RTF1: variants seen among roughly 807,000 people sequenced by gnomAD.
The protein encoded by RTF1 is RTF1 homolog, Paf1/RNA polymerase II complex component, also known as RNA polymerase-associated protein RTF1 homolog.
Under a neutral mutation model 95.7 loss-of-function variants are expected in RTF1, and 10 were observed. The observed-to-expected ratio is 0.10, with a 90% CI of 0.06 to 0.18. RTF1 has a LOEUF of 0.18. Among genes scored for constraint, RTF1 ranks in the 10% least tolerant of loss-of-function variants. RTF1 has a pLI of 1.00. For synonymous variants in RTF1, 305 were observed against 311.8 expected, an observed-to-expected ratio of 0.98 and a Z score of 0.23; for missense variants, 458 against 875.6, an observed-to-expected ratio of 0.52 and a Z score of 6.02.
chr15:41,430,234 T>C (rs1442231308), intron 1 of RTF1, among the ~76,000 whole-genome samples: 1 of 147,256 alleles, frequency 6.8e-6, no homozygotes, highest in Non-Finnish European at 1.5e-5. Flanking sequence ...TGGAGTGCAG[T>C]GGCGCGATCT....
intron 2 of RTF1, among the ~76,000 whole-genome samples, chr15:41,447,406 G>A (rs1214202980): frequency 6.6e-6 from 1 of 152,070 alleles, no homozygotes; most frequent in Non-Finnish European, 1.5e-5. Flanking sequence ...TTCACAGAAT[G>A]GGGACCTGCT....
At chr15:41,427,508 A>G (rs72739644) in intron 1 of RTF1, among the ~76,000 whole-genome samples, 28,277 of 151,966 alleles carry the variant, frequency 0.19, 3,407 homozygotes, top group Non-Finnish European at 0.26. Flanking sequence ...GGTCCCAGCT[A>G]TTCATTCAAA....
At chr15:41,479,234 G>A (rs1048405987) in intron 16 of RTF1, 36 bp downstream of exon 16, 1 of 1,425,780 alleles carries the variant, frequency 7.0e-7, no homozygotes, top group Non-Finnish European at 9.9e-7. Context: ...TGCTGAGTGA[G>A]GCTGCTGGCT....
chr15:41,468,373 A>T (rs2050891273), intron 6 of RTF1, among the ~76,000 whole-genome samples: 1 of 151,750 alleles, frequency 6.6e-6, no homozygotes, highest in Non-Finnish European at 1.5e-5. Context: ...GTTGGAGTGC[A>T]GTGGCGCGAT....
intron 1 of RTF1, among the ~76,000 whole-genome samples, chr15:41,420,583 C>A (rs2050595625): frequency 6.6e-6 from 1 of 152,058 alleles, no homozygotes; most frequent in South Asian, 2.1e-4. Flanking sequence ...CATGACAGAT[C>A]ACTGAGTATC....
rs2050575497 is a variant in RTF1 at position 41,417,193 on chromosome 15, G to A, written c.78G>A (p.Glu26=). Residue 26 remains glutamate (E), a synonymous_variant, in exon 1 of 18, where the codon GAG becomes GAA. Coordinates refer to ENST00000389629, the MANE Select transcript of RTF1 (RefSeq NM_015138.5). ...CGGTCCCACTGGCAGGCGGGCAAGA[G>A]GGGAGTCCGGGCGGCGGCCGGCGTG... ...AVAVPLAGGQ[E]GSPGGGRRGS... is the part of the protein sequence containing the mutation. The A allele has an allele frequency of 7.9e-7, 1 of 1,264,362 alleles. No homozygotes were observed. Among genetic ancestry groups the A allele is most frequent in the East Asian group, 3.1e-5 (1 of 32,074 alleles). 78.3% of individuals were successfully genotyped at this position (1,264,362 alleles called of 1,614,324 possible).
At chr15:41,435,221 A>T (rs2050695754) in intron 1 of RTF1, among the ~76,000 whole-genome samples, 1 of 151,964 alleles carries the variant, frequency 6.6e-6, no homozygotes, top group Non-Finnish European at 1.5e-5. Context: ...ATGAGATTAG[A>T]TCTTCTCTGT....
intron 1 of RTF1, among the ~76,000 whole-genome samples, chr15:41,422,918 C>T (rs1389701211): frequency 6.6e-6 from 1 of 152,076 alleles, no homozygotes; most frequent in Non-Finnish European, 1.5e-5. Context: ...GGATTACAGG[C>T]GCACGCCACC....
chr15:41,428,534 C>T (rs2050650635), intron 1 of RTF1, among the ~76,000 whole-genome samples: 1 of 151,042 alleles, frequency 6.6e-6, no homozygotes, highest in Admixed American at 6.6e-5. Flanking sequence ...TCCCAAAGTG[C>T]TGGGATTACA....
Position 41,457,901 on chromosome 15 carries a change from C to A in RTF1, c.662+25C>A, listed in dbSNP as rs772489944. 1.1e-5 allele frequency: 17 copies of A among 1,514,986 alleles called. No individual in the cohort carries two copies. In the Admixed American group the frequency reaches 2.8e-4, roughly 25 times the overall value. The allele number at this position is 1,514,986 out of a possible 1,614,324, so 93.8% of individuals were successfully genotyped here. Reference sequence around the variant, plus strand: ...GGTAAGGTTGTCCTCGTCGTTGTCCCCCCCCCGCCCCCACCTTTTCTGTTC... The same window carrying A: ...GGTAAGGTTGTCCTCGTCGTTGTCCACCCCCCGCCCCCACCTTTTCTGTTC... On this transcript the variant is annotated intron_variant, in intron 4 of 17. Coordinates refer to ENST00000389629, the MANE Select transcript of RTF1 (RefSeq NM_015138.5).
intron 6 of RTF1, among the ~76,000 whole-genome samples, chr15:41,469,742 C>A (rs1210813567): frequency 4.6e-5 from 7 of 152,104 alleles, no homozygotes; most frequent in Admixed American, 3.9e-4. Context: ...CCAAGCTGGT[C>A]TCGAACTCCT....
At chr15:41,440,205 T>C (rs1260746078) in intron 2 of RTF1, 7 of 149,582 alleles carry the variant, frequency 4.7e-5, no homozygotes, top group South Asian at 4.2e-4. Flanking sequence ...TTTTTTTTTT[T>C]CTTGAGACTG....
At chr15:41,448,846 G>A (rs1228592023) in intron 2 of RTF1, 1 of 151,922 alleles carries the variant, frequency 6.6e-6, no homozygotes, top group Non-Finnish European at 1.5e-5. Context: ...AGCGAGCAGA[G>A]ATTATTTTTT....
At chr15:41,457,961 T>C in intron 4 of RTF1, 85 bp downstream of exon 4, 1 of 1,000,006 alleles carries the variant, frequency 1.0e-6, no homozygotes, top group Non-Finnish European at 1.5e-6. Context: ...CCTTCACACC[T>C]GACCTACACA....
chr15:41,447,777 G>T (rs1024883768), intron 2 of RTF1, among the ~76,000 whole-genome samples: 2 of 152,082 alleles, frequency 1.3e-5, no homozygotes, highest in Admixed American at 1.3e-4. Context: ...GCACACCGGT[G>T]GGTGCTCATT....
chr15:41,424,178 G>C (rs1208379030), intron 1 of RTF1, among the ~76,000 whole-genome samples: 1 of 152,198 alleles, frequency 6.6e-6, no homozygotes, highest in Non-Finnish European at 1.5e-5. Context: ...ATGAGGTGGG[G>C]AGATTGCTCA....
intron 4 of RTF1, among the ~76,000 whole-genome samples, chr15:41,458,943 G>A (rs939797516): frequency 2.6e-5 from 4 of 151,980 alleles, no homozygotes; most frequent in East Asian, 1.9e-4. Flanking sequence ...ATGGTCGTAC[G>A]CATCTGTAAT....
intron 1 of RTF1, among the ~76,000 whole-genome samples, chr15:41,438,033 G>A (rs1389028706): frequency 3.3e-5 from 5 of 152,122 alleles, no homozygotes; most frequent in African/African-American, 4.8e-5. Context: ...GTTGTTTAGG[G>A]TAGAATCAGG....
Position 41,464,876 on chromosome 15 carries a change from A to G in RTF1, c.768A>G (p.Gln256=), listed in dbSNP as rs1441589057. 6.5e-7 allele frequency: 1 copy of G among 1,529,484 alleles called. No individual in the cohort carries two copies. The highest frequency in any genetic ancestry group is 1.4e-5 in the African/African-American group (1 of 71,354). The allele number at this position is 1,529,484 out of a possible 1,614,324, so 94.7% of individuals were successfully genotyped here. The change falls in exon 5 of 18, where the codon CAA becomes CAG. Residue 256 remains glutamine, a synonymous_variant. Coordinates refer to ENST00000389629, the MANE Select transcript of RTF1 (RefSeq NM_015138.5). ...AAAAGAAAAAACTGACACAGATTCAAGAATCTCAGGTAGGAGATTCAGTGT... is the reference window on the plus strand; with the variant it reads ...AAAAGAAAAAACTGACACAGATTCAGGAATCTCAGGTAGGAGATTCAGTGT... ...EQEKKKLTQI[Q]ESQVTSHNKE...
Sources: allele counts gnomAD v4.1 joint callset (sites outside exome capture counted in the v4.1 genomes callset), GRCh38; gene constraint gnomAD v4.1.1; transcripts MANE v1.5; gene names NCBI Gene and HGNC (gene_info 2026-07-23, HGNC 2026-07-21).